The following PTDSS1 variants were observed in gnomAD, a reference collection of about 807,000 sequenced individuals.
The protein encoded by PTDSS1 is phosphatidylserine synthase 1, also known as PSS-1.
A neutral mutation model predicts 70.5 loss-of-function variants in PTDSS1; 45 were observed. The observed-to-expected ratio is 0.64, with a 90% CI of 0.50 to 0.82. PTDSS1 has a LOEUF of 0.82. PTDSS1 is among the 40% of genes least tolerant of loss of function. The pLI, the probability that PTDSS1 is intolerant of heterozygous loss-of-function variation, is 0.00. For synonymous variants in PTDSS1, 188 were observed against 203.8 expected (o/e 0.92, Z 0.66); for missense variants, 417 against 586.1 (o/e 0.71, Z 2.98).
intron 2 of PTDSS1, among the ~76,000 whole-genome samples, chr8:96,277,402 G>A (rs1810664035): frequency 6.6e-6 from 1 of 152,214 alleles, no homozygotes; most frequent in South Asian, 2.1e-4. Context: ...CAGGCCACAG[G>A]CCTCCCCAGG....
intron 12 of PTDSS1, among the ~76,000 whole-genome samples, chr8:96,333,050 G>T (rs922123426): frequency 6.6e-6 from 1 of 152,236 alleles, no homozygotes; most frequent in African/African-American, 2.4e-5. Context: ...TTAGAAGGTG[G>T]TGTGGAGCAG....
intron 4 of PTDSS1, among the ~76,000 whole-genome samples, chr8:96,288,063 G>A (rs569401468): frequency 6.6e-6 from 1 of 152,248 alleles, no homozygotes; most frequent in South Asian, 2.1e-4. Context: ...TATCCTCCTT[G>A]TGCACAATCA....
At chr8:96,297,593 C>T (rs967730320) in intron 5 of PTDSS1, among the ~76,000 whole-genome samples, 6 of 152,308 alleles carry the variant, frequency 3.9e-5, no homozygotes, top group African/African-American at 1.4e-4. Context: ...CTCAGTGCTG[C>T]AGCCGCCTCT....
intron 8 of PTDSS1, among the ~76,000 whole-genome samples, chr8:96,308,099 C>T (rs1483163450): frequency 1.3e-5 from 2 of 152,124 alleles, no homozygotes; most frequent in African/African-American, 4.8e-5. Context: ...AATGTTAGGT[C>T]CCGAGAGGAG....
intron 10 of PTDSS1, among the ~76,000 whole-genome samples, chr8:96,326,218 C>A (rs1401540621): frequency 6.6e-6 from 1 of 151,746 alleles, no homozygotes; most frequent in African/African-American, 2.4e-5. Flanking sequence ...GCCTTATCTA[C>A]ATGATGAAAC....
At chr8:96,332,451 G>A (rs1453538550) in intron 12 of PTDSS1, among the ~76,000 whole-genome samples, 5 of 152,164 alleles carry the variant, frequency 3.3e-5, no homozygotes, top group Non-Finnish European at 7.3e-5. Flanking sequence ...ATCTCCCAGG[G>A]GAGACACTAA....
chr8:96,289,090 A>G (rs764119021), intron 4 of PTDSS1, among the ~76,000 whole-genome samples: 19 of 150,976 alleles, frequency 1.3e-4, no homozygotes, highest in Non-Finnish European at 2.8e-4. Context: ...GCCTGCCACT[A>G]CGCCTGGCTA....
rs1811555590 is a variant in PTDSS1, at chr8:96,333,789, T to A, written c.*223T>A. On this transcript the variant is annotated 3_prime_UTR_variant, in exon 13 of 13. Transcript: ENST00000517309. ...GCCTTTGCCAACGTGGGGTCTCTTC[T>A]AACTTCAGCACTTGACATGCGGTCA... The A allele has an allele frequency of 1.4e-6, 1 of 701,430 alleles. No individual in the cohort carries two copies. Among genetic ancestry groups the A allele is most frequent in the Admixed American group, 2.0e-5 (1 of 49,578 alleles). The allele number at this position is 701,430 out of a possible 1,614,324, so 43.5% of individuals were successfully genotyped here. A position where few individuals can be genotyped will look rare whatever the true frequency, so the allele number is the denominator to read the frequency against.
At chr8:96,315,014 T>C (rs1354208172) in intron 9 of PTDSS1, among the ~76,000 whole-genome samples, 3 of 152,120 alleles carry the variant, frequency 2.0e-5, no homozygotes. Flanking sequence ...AAGACCCGCT[T>C]CTCCCCTTCC....
At chr8:96,297,424 T>C (rs1409978731) in intron 5 of PTDSS1, among the ~76,000 whole-genome samples, 1 of 152,150 alleles carries the variant, frequency 6.6e-6, no homozygotes, top group African/African-American at 2.4e-5. Flanking sequence ...GTGATCCACC[T>C]GCCTCAGCCT....
At chr8:96,310,362 A>G (rs551169207) in intron 9 of PTDSS1, among the ~76,000 whole-genome samples, 1 of 151,300 alleles carries the variant, frequency 6.6e-6, no homozygotes, top group Non-Finnish European at 1.5e-5. Context: ...ACGGGGTTTC[A>G]CCGTGTTGGT....
At chr8:96,278,358 T>C (rs932891259) in intron 2 of PTDSS1, among the ~76,000 whole-genome samples, 14 of 152,332 alleles carry the variant, frequency 9.2e-5, no homozygotes, top group Non-Finnish European at 1.6e-4. Context: ...CCCTGAGCTA[T>C]ATGGCAGAGG....
intron 2 of PTDSS1, among the ~76,000 whole-genome samples, chr8:96,281,926 G>T (rs1418219991): frequency 1.3e-5 from 2 of 152,182 alleles, no homozygotes; most frequent in African/African-American, 4.8e-5. Context: ...GACACTGTGT[G>T]GGGGTGTCTC....
chr8:96,276,124 G>A (rs983568739), intron 2 of PTDSS1, among the ~76,000 whole-genome samples: 6 of 152,174 alleles, frequency 3.9e-5, no homozygotes, highest in African/African-American at 1.4e-4. Flanking sequence ...AAAATTTGCT[G>A]TTTCTGAGCC....
intron 7 of PTDSS1, among the ~76,000 whole-genome samples, chr8:96,305,257 C>T (rs1458153711): frequency 6.6e-6 from 1 of 152,248 alleles, no homozygotes; most frequent in Non-Finnish European, 1.5e-5. Context: ...TGAGTGTGAG[C>T]ACTGCGCTGG....
Position 96,299,757 on chromosome 8 carries a change from A to G in PTDSS1, c.664A>G (p.Ile222Val). 1 of 1,614,084 alleles carries G rather than the reference A, an allele frequency of 6.2e-7. No homozygotes were observed. Among genetic ancestry groups the G allele is most frequent in the African/African-American group, 1.3e-5 (1 of 75,016 alleles). Residue 222 changes from isoleucine to valine, a missense_variant, in exon 6 of 13, where the codon ATC (isoleucine) becomes GTC (valine). Physicochemically the swap from Ile to Val is conservative, Grantham distance 29 (BLOSUM62 3). Around this residue, in one of 3 missense-constraint regions of PTDSS1, gnomAD observed 272 missense variants for 429.5 expected, o/e 0.63. Transcript: ENST00000517309. ...ECWWDQVILD[I>V]LLCNGGGIWL... ...CTGGTGGGATCAAGTCATTCTGGACATCCTGTTGTGCAATGGCGGTGGCAT... is the reference window on the plus strand; with the variant it reads ...CTGGTGGGATCAAGTCATTCTGGACGTCCTGTTGTGCAATGGCGGTGGCAT...
At position 96,304,004 on chromosome 8, in the gene PTDSS1, C is replaced by A. The variant is rs113097557; in HGVS notation, c.753-36C>A. On this transcript the variant is annotated intron_variant, in intron 6 of 12. Coordinates refer to ENST00000517309, the MANE Select transcript of PTDSS1 (RefSeq NM_014754.3). ...GTGCTTTGTTTTCCCCCTGCCTTAT[C>A]TCTGGATTTTCACTGGAGCCATTCT... is the stretch of plus-strand genomic sequence containing the variant. 1,020 of 1,572,360 alleles carry A rather than the reference C, an allele frequency of 6.5e-4. 16 individuals are homozygous for A. The African/African-American group carries it at 0.012, about 19-fold the overall frequency.
At chr8:96,304,010 A>G in intron 6 of PTDSS1, 30 bp from the exon 7 acceptor site, 1 of 1,581,228 alleles carries the variant, frequency 6.3e-7, no homozygotes, top group Non-Finnish European at 8.6e-7. Flanking sequence ...TTATCTCTGG[A>G]TTTTCACTGG....
chr8:96,290,628 T>C (rs1810889794), intron 4 of PTDSS1, among the ~76,000 whole-genome samples: 1 of 152,126 alleles, frequency 6.6e-6, no homozygotes, highest in Non-Finnish European at 1.5e-5. Context: ...CATCCCTTTA[T>C]ACTTCTTTAA....
Sources: allele counts gnomAD v4.1 joint callset (sites outside exome capture counted in the v4.1 genomes callset), GRCh38; gene constraint gnomAD v4.1.1; regional missense constraint gnomAD v4.1.1; transcripts MANE v1.5; gene names NCBI Gene and HGNC (gene_info 2026-07-23, HGNC 2026-07-21).